The following PHF6 variants were observed in gnomAD, a reference collection of about 807,000 sequenced individuals.
PHF6 encodes the protein PHD finger protein 6.
In PHF6, 7 loss-of-function variants were observed where a neutral mutation model predicts 34.0. The observed-to-expected ratio is 0.21, with a 90% CI of 0.12 to 0.39. The LOEUF is 0.39. Ranked by LOEUF, PHF6 falls within the 10% of genes least tolerant of loss-of-function variation. PHF6 has a pLI of 1.00. For missense variants in PHF6, 128 were observed against 262.8 expected, an observed-to-expected ratio of 0.49 and a Z score of 3.55; for synonymous variants, 89 against 88.4, an observed-to-expected ratio of 1.01 and a Z score of -0.04.
intron 9 of PHF6, among the ~76,000 whole-genome samples, chrX:134,422,367 T>G (rs1042119743): frequency 8.9e-5 from 10 of 112,397 alleles, no homozygotes; most frequent in Non-Finnish European, 1.9e-4. Flanking sequence ...ATATATGTAC[T>G]TGGATCCATA....
Position 134,413,668 on chromosome X carries a change from A to G in PHF6, c.585+11A>G. On this transcript the variant is annotated intron_variant, in intron 6 of 10. Coordinates refer to ENST00000370803, the MANE Select transcript of PHF6 (RefSeq NM_001015877.2). ...GAAAGTAGTTCCTATGTAAGTAAAA[A>G]AAACTGTTGGATTCTTACTTTTGTT... The G allele has an allele frequency of 8.3e-7, 1 of 1,209,217 alleles. No individual in the cohort carries two copies.
At chrX:134,413,686 C>A (rs762700967) in intron 6 of PHF6, 29 bp downstream of exon 6, 20 of 1,199,819 alleles carry the variant, frequency 1.7e-5, no homozygotes, top group Non-Finnish European at 2.1e-5. Flanking sequence ...TGGATTCTTA[C>A]TTTTGTTGCA....
intron 5 of PHF6, among the ~76,000 whole-genome samples, chrX:134,394,543 GTT>G (rs1339561125): frequency 2.0e-5 from 2 of 99,331 alleles, no homozygotes; most frequent in African/African-American, 3.6e-5. Context: ...ATTTCTTTGT[GTT>G]TTTTTTTTTT....
intron 5 of PHF6, among the ~76,000 whole-genome samples, chrX:134,399,672 C>T (rs1602705117): frequency 9.4e-6 from 1 of 105,969 alleles, no homozygotes; most frequent in Admixed American, 1.0e-4. Context: ...CACACACAGA[C>T]ACACACACAC....
At chrX:134,405,080 CTT>C (rs2077417383) in intron 5 of PHF6, among the ~76,000 whole-genome samples, 1 of 111,818 alleles carries the variant, frequency 8.9e-6, no homozygotes, top group Non-Finnish European at 1.9e-5. Context: ...CTTCCACCTG[CTT>C]TTATCACCAT....
At chrX:134,379,079 T>G (rs2077292150) in intron 3 of PHF6, among the ~76,000 whole-genome samples, 1 of 112,432 alleles carries the variant, frequency 8.9e-6, no homozygotes, top group East Asian at 2.8e-4. Flanking sequence ...AAATAACCTC[T>G]TATTTCACAA....
chrX:134,381,770 C>T (rs751614003), intron 3 of PHF6, among the ~76,000 whole-genome samples: 5 of 111,137 alleles, frequency 4.5e-5, no homozygotes, highest in Middle Eastern at 4.6e-3. Flanking sequence ...GGATTACAGG[C>T]GTGCACCACC....
At chrX:134,424,363 A>C (rs2077501263) in intron 9 of PHF6, among the ~76,000 whole-genome samples, 1 of 111,631 alleles carries the variant, frequency 9.0e-6, no homozygotes, top group Non-Finnish European at 1.9e-5. Flanking sequence ...CAAATGATCA[A>C]ACATAGTGTC....
rs186754098 is a variant in PHF6 at position 134,428,037 on chromosome X, C to T, written c.*2377C>T. On this transcript the variant is annotated 3_prime_UTR_variant, in exon 11 of 11. Transcript: ENST00000370803. The stretch of plus-strand genomic sequence containing the variant: ...TTATTTGATAAGTATATAACATTTA[C>T]ATCATTTCAAAAAATACTGCCGTTA... 101 of 154,284 alleles carry T rather than the reference C, an allele frequency of 6.5e-4. No individual in the cohort carries two copies. Among genetic ancestry groups the T allele is most frequent in the African/African-American group, 2.9e-3 (94 of 32,879 alleles). The allele number at this position is 154,284 out of a possible 1,213,427, so 12.7% of individuals were successfully genotyped here.
chrX:134,385,551 G>A (rs867796379), intron 3 of PHF6, among the ~76,000 whole-genome samples: 2 of 111,877 alleles, frequency 1.8e-5, no homozygotes, highest in South Asian at 7.3e-4. Flanking sequence ...GGACTTTGAA[G>A]ATGGAAAGGG....
In PHF6 at chrX:134,428,588, A is replaced by G; in HGVS notation, c.*2928A>G. 1 of 154,520 alleles carries G rather than the reference A, an allele frequency of 6.5e-6. No homozygotes were observed. The highest frequency in any genetic ancestry group is 1.3e-5 in the Non-Finnish European group (1 of 77,950). The allele number at this position is 154,520 out of a possible 1,213,427, so 12.7% of individuals were successfully genotyped here. ...GCGCTGAAGTTAGACCAAGGTATAC[A>G]GTTTTGTTCTAACAGACATTTAGGT... On this transcript the variant is annotated 3_prime_UTR_variant, in exon 11 of 11. Coordinates refer to ENST00000370803, the MANE Select transcript of PHF6 (RefSeq NM_001015877.2).
chrX:134,395,541 G>A (rs2077373822), intron 5 of PHF6, among the ~76,000 whole-genome samples: 2 of 111,952 alleles, frequency 1.8e-5, no homozygotes, highest in South Asian at 7.3e-4. Context: ...TGTAATCTGC[G>A]ATTGTTCTAT....
intron 5 of PHF6, among the ~76,000 whole-genome samples, chrX:134,398,739 C>G (rs1408445921): frequency 9.0e-6 from 1 of 111,708 alleles, no homozygotes; most frequent in African/African-American, 3.3e-5. Context: ...GAGGGTGCCA[C>G]TTGCTTAGAT....
intron 5 of PHF6, among the ~76,000 whole-genome samples, chrX:134,394,698 C>T (rs1377351572): frequency 9.4e-6 from 1 of 106,651 alleles, no homozygotes; most frequent in African/African-American, 3.4e-5. Flanking sequence ...CGCCACCACG[C>T]CTGGCTAATT....
At chrX:134,420,571 A>G (rs1008558882) in intron 9 of PHF6, among the ~76,000 whole-genome samples, 1 of 109,893 alleles carries the variant, frequency 9.1e-6, no homozygotes, top group African/African-American at 3.3e-5. Context: ...TTCCATTTAA[A>G]AAAAAAACAC....
intron 3 of PHF6, among the ~76,000 whole-genome samples, chrX:134,379,427 CTTTTCTTTTTTTTTTTTTTT>C (rs2077295017): frequency 5.8e-5 from 3 of 51,670 alleles, no homozygotes; most frequent in African/African-American, 7.2e-5. Flanking sequence ...CTTTTCTTTT[CTTTTCTTTTTTTTTTTTTTT>C]TTTTTTTTTT....
chrX:134,403,340 A>G (rs867806349), intron 5 of PHF6, among the ~76,000 whole-genome samples: 20 of 111,481 alleles, frequency 1.8e-4, no homozygotes, highest in Non-Finnish European at 3.6e-4. Context: ...AGAAGATCAA[A>G]CCAGCCACAA....
At chrX:134,403,293 C>G (rs2077410080) in intron 5 of PHF6, among the ~76,000 whole-genome samples, 1 of 111,873 alleles carries the variant, frequency 8.9e-6, no homozygotes, top group Non-Finnish European at 1.9e-5. Context: ...TGAAACAGCC[C>G]TATTGCTGAT....
intron 3 of PHF6, among the ~76,000 whole-genome samples, chrX:134,380,972 G>A (rs762227879): frequency 6.3e-5 from 7 of 110,897 alleles, no homozygotes; most frequent in Non-Finnish European, 1.1e-4. Flanking sequence ...TCAGCCTCCC[G>A]AGTAGCTGGG....
Sources: gnomAD v4.1 joint callset for allele counts (sites outside exome capture counted in the v4.1 genomes callset) on GRCh38, gnomAD v4.1.1 for gene constraint, MANE v1.5 for transcripts, NCBI Gene and HGNC (gene_info 2026-07-23, HGNC 2026-07-21) for gene names.